The following TBC1D9 variants were observed in gnomAD, a reference collection of about 807,000 sequenced individuals.
TBC1D9 encodes TBC1 domain family member 9A.
Under a neutral mutation model 132.0 loss-of-function variants are expected in TBC1D9, and 63 were observed. That is an observed-to-expected ratio of 0.48 (90% CI 0.39 to 0.59). The LOEUF (loss-of-function observed/expected upper bound fraction) is 0.59, where lower values mean the gene tolerates loss of function less well. TBC1D9 is among the 20% of genes least tolerant of loss of function. TBC1D9 has a pLI of 0.00. For synonymous variants in TBC1D9, 610 were observed against 609.9 expected (o/e 1.00, Z 0.00); for missense variants, 1,261 against 1,592.7 (o/e 0.79, Z 3.54).
intron 2 of TBC1D9, chr4:140,701,064 A>G (rs1302359718): frequency 5.3e-6 from 1 of 188,356 alleles, no homozygotes; most frequent in Non-Finnish European, 1.1e-5. Flanking sequence ...AGTACATCCA[A>G]GTATTCCACA....
At chr4:140,701,640 A>G (rs774046249) in intron 1 of TBC1D9, 26 bp from the exon 2 acceptor site, 1 of 1,580,884 alleles carries the variant, frequency 6.3e-7, no homozygotes. Flanking sequence ...GGGGAGAAAC[A>G]GGTAAGAATT....
intron 6 of TBC1D9, among the ~76,000 whole-genome samples, chr4:140,675,785 C>T (rs1012399557): frequency 6.6e-6 from 1 of 152,106 alleles, no homozygotes; most frequent in African/African-American, 2.4e-5. Context: ...CGAGCAGAGC[C>T]CAACAAACAC....
intron 1 of TBC1D9, among the ~76,000 whole-genome samples, chr4:140,752,750 C>T (rs1376308754): frequency 6.6e-6 from 1 of 152,104 alleles, no homozygotes; most frequent in South Asian, 2.1e-4. Flanking sequence ...GAATCAGGAA[C>T]CTAGAATATC....
intron 2 of TBC1D9, among the ~76,000 whole-genome samples, chr4:140,693,937 A>AT (rs1279126158): frequency 2.0e-5 from 3 of 152,218 alleles, no homozygotes; most frequent in Non-Finnish European, 4.4e-5. Context: ...AGCCTTGGCA[A>AT]TAAGAATCAG....
intron 1 of TBC1D9, among the ~76,000 whole-genome samples, chr4:140,749,531 A>G (rs1169486760): frequency 6.6e-6 from 1 of 152,184 alleles, no homozygotes; most frequent in Non-Finnish European, 1.5e-5. Flanking sequence ...GAGTAAGAAA[A>G]AAGTCAACTG....
chr4:140,711,385 C>T lies in TBC1D9; in HGVS notation c.131-9771G>A, dbSNP rs189127414. On this transcript the variant is annotated intron_variant, in intron 1 of 20. Coordinates refer to ENST00000442267, the MANE Select transcript of TBC1D9 (RefSeq NM_015130.3). ...GAAGAGTTCATCGCTATGAAGCCCA[C>T]CTCTGTTTCTAAGAGATTAGCTATA... Among the ~76,000 whole-genome samples the T allele has an allele frequency of 2.6e-5, 4 of 152,220 alleles. No homozygotes were observed. In the South Asian group the frequency reaches 6.2e-4, roughly 24 times the overall value.
chr4:140,648,615 A>G (rs1379304009), intron 13 of TBC1D9, among the ~76,000 whole-genome samples: 1 of 151,918 alleles, frequency 6.6e-6, no homozygotes, highest in Non-Finnish European at 1.5e-5. Flanking sequence ...CAAACTCCTG[A>G]GCTTAAGTGG....
chr4:140,746,063 T>C (rs1438783863), intron 1 of TBC1D9, among the ~76,000 whole-genome samples: 2 of 152,356 alleles, frequency 1.3e-5, no homozygotes, highest in African/African-American at 4.8e-5. Context: ...CAATTTGATA[T>C]GGACTTAATT....
chr4:140,666,074 C>T (rs1217946420), intron 9 of TBC1D9, among the ~76,000 whole-genome samples: 2 of 152,020 alleles, frequency 1.3e-5, no homozygotes, highest in African/African-American at 2.4e-5. Flanking sequence ...AACTGAAAAA[C>T]GAATGAACAG....
rs1306302102 is a variant in TBC1D9 at position 140,667,713 on chromosome 4, C to T, written c.1588+1204G>A. Among the ~76,000 whole-genome samples the T allele has an allele frequency of 4.0e-5, 6 of 151,808 alleles. No individual in the cohort carries two copies. In the South Asian group the frequency reaches 6.2e-4, roughly 16 times the overall value. The stretch of plus-strand genomic sequence containing the variant: ...ACAAGTTTGAGACCACCCTGGGCAA[C>T]ACAGCAAGACACCTATCTCTACAAA... On this transcript the variant is annotated intron_variant, in intron 9 of 20. Transcript: ENST00000442267.
chr4:140,644,986 T>G (rs951351619), intron 13 of TBC1D9: 2 of 463,016 alleles, frequency 4.3e-6, no homozygotes, highest in African/African-American at 4.0e-5. Context: ...GCAAGCCACA[T>G]GGACATGCTG....
chr4:140,745,644 C>CA (rs1384658879), intron 1 of TBC1D9, among the ~76,000 whole-genome samples: 1 of 152,066 alleles, frequency 6.6e-6, no homozygotes, highest in Non-Finnish European at 1.5e-5. Context: ...ATACATATAA[C>CA]AAAAAATATG....
chr4:140,740,062 C>T (rs796454856), intron 1 of TBC1D9, among the ~76,000 whole-genome samples: 23 of 152,254 alleles, frequency 1.5e-4, no homozygotes, highest in Admixed American at 3.9e-4. Flanking sequence ...TCTGACATCA[C>T]CTCATGGAAC....
Position 140,677,017 on chromosome 4 carries a change from G to C in TBC1D9, c.936C>G (p.Asp312Glu). ...PKDEKLDGHT[D>E]CTLWTPFNKM... ...TGTTAAATGGAGTCCAGAGAGTGCA[G>C]TCTGTGTGGCCATCTAATTTTTCAT... The change falls in exon 6 of 21, where the codon GAC becomes GAG. Residue 312 changes from aspartate (D) to glutamate (E), a missense_variant. Asp to Glu is a conservative substitution (Grantham distance 45, BLOSUM62 2). Around this residue, in one of 3 missense-constraint regions of TBC1D9, gnomAD observed 550 missense variants for 699.0 expected, o/e 0.79. Transcript: ENST00000442267. 5 of 1,613,982 alleles carry C rather than the reference G, an allele frequency of 3.1e-6. No homozygotes were observed. Among genetic ancestry groups the C allele is most frequent in the East Asian group, 4.5e-5 (2 of 44,876 alleles).
At chr4:140,700,008 C>T (rs1578846573) in intron 2 of TBC1D9, among the ~76,000 whole-genome samples, 1 of 152,232 alleles carries the variant, frequency 6.6e-6, no homozygotes, top group East Asian at 1.9e-4. Flanking sequence ...AAAACTTGGC[C>T]ATTTTGGGCC....
intron 8 of TBC1D9, 111 bp from the exon 9 acceptor site, chr4:140,669,178 A>C (rs1737496343): frequency 1.8e-6 from 2 of 1,110,554 alleles, no homozygotes; most frequent in African/African-American, 3.1e-5. Context: ...CAATTCCAGA[A>C]AGAAGTCATG....
At chr4:140,677,349 T>C (rs1050600712) in intron 5 of TBC1D9, among the ~76,000 whole-genome samples, 2 of 152,186 alleles carry the variant, frequency 1.3e-5, no homozygotes, top group African/African-American at 4.8e-5. Flanking sequence ...TGTTAAAGAA[T>C]CATAGCAAAA....
chr4:140,657,008 T>G (rs1307254942), intron 13 of TBC1D9, 89 bp downstream of exon 13: 3 of 1,447,236 alleles, frequency 2.1e-6, no homozygotes, highest in Non-Finnish European at 2.8e-6. Context: ...GCCCAGTCTG[T>G]GGTATTCTGT....
intron 18 of TBC1D9, among the ~76,000 whole-genome samples, chr4:140,626,288 A>G (rs1421300006): frequency 6.6e-6 from 1 of 152,170 alleles, no homozygotes; most frequent in African/African-American, 2.4e-5. Flanking sequence ...GATAGCTATC[A>G]TCTCCATTCT....
Sources: gnomAD v4.1 joint callset for allele counts (sites outside exome capture counted in the v4.1 genomes callset) on GRCh38, gnomAD v4.1.1 for gene constraint, gnomAD v4.1.1 regional missense constraint, MANE v1.5 for transcripts, NCBI Gene and HGNC (gene_info 2026-07-23, HGNC 2026-07-21) for gene names.